PPARGC1A: variants seen among roughly 807,000 people sequenced by gnomAD.
PPARGC1A encodes PPARG coactivator 1 alpha.
In PPARGC1A, 25 loss-of-function variants were observed where a neutral mutation model predicts 88.7. The observed-to-expected ratio is 0.28, with a 90% CI of 0.21 to 0.39. The LOEUF is 0.39. PPARGC1A is among the 10% of genes least tolerant of loss of function. The probability of loss-of-function intolerance (pLI) is 1.00; values close to 1 mark genes in which losing one functional copy is unlikely to be tolerated. For synonymous variants in PPARGC1A, 363 were observed against 355.6 expected (o/e 1.02, Z -0.24); for missense variants, 880 against 968.7 (o/e 0.91, Z 1.22).
the PPARGC1A span, among the ~76,000 whole-genome samples, chr4:24,101,902 C>T: frequency 1.3e-4 from 19 of 149,898 alleles, no homozygotes; most frequent in Admixed American, 2.6e-4. Flanking sequence ...AACACATCCA[C>T]GCCCTCATGG....
the PPARGC1A span, among the ~76,000 whole-genome samples, chr4:24,197,273 A>G: frequency 0.058 from 8,853 of 152,268 alleles, 326 homozygotes; most frequent in South Asian, 0.11. Flanking sequence ...TACCTTTTGC[A>G]GGTCATTTTT....
chr4:24,301,201 T>C, the PPARGC1A span, among the ~76,000 whole-genome samples: 1 of 152,154 alleles, frequency 6.6e-6, no homozygotes, highest in Non-Finnish European at 1.5e-5. Flanking sequence ...TTAACACTAG[T>C]AGATATTTTT....
chr4:23,826,494 GTT>G lies in PPARGC1A; in HGVS notation c.757+1904_757+1905del, dbSNP rs1723957837. Reference sequence around the variant, plus strand: ...AAGGAAAAGAACCTGACTCCAAAACGTTTTATGGAGATCATACGTGATGTTCA... The same window carrying G: ...AAGGAAAAGAACCTGACTCCAAAACGTTATGGAGATCATACGTGATGTTCA... On this transcript the variant is annotated intron_variant, in intron 5 of 12. Coordinates refer to ENST00000264867, the MANE Select transcript of PPARGC1A (RefSeq NM_013261.5). Among the ~76,000 whole-genome samples, 4 of 152,030 alleles carry G rather than the reference GTT, an allele frequency of 2.6e-5. No individual in the cohort carries two copies. In the South Asian group the frequency reaches 8.3e-4, roughly 32 times the overall value.
At chr4:24,095,517 A>G in the PPARGC1A span, among the ~76,000 whole-genome samples, 2 of 152,086 alleles carry the variant, frequency 1.3e-5, no homozygotes, top group Non-Finnish European at 2.9e-5. Flanking sequence ...AAAAAGGGGA[A>G]AATTGGGTCA....
the PPARGC1A span, among the ~76,000 whole-genome samples, chr4:24,131,170 G>T: frequency 6.6e-6 from 1 of 151,958 alleles, no homozygotes; most frequent in Admixed American, 6.6e-5. Context: ...GGCACACAGT[G>T]CTTCTTTGAT....
the PPARGC1A span, among the ~76,000 whole-genome samples, chr4:24,186,246 C>T: frequency 1.6e-4 from 25 of 152,188 alleles, no homozygotes; most frequent in Admixed American, 4.6e-4. Context: ...ACAGAGAGAC[C>T]TAGTGCCAAA....
chr4:24,432,423 G>A, the PPARGC1A span, among the ~76,000 whole-genome samples: 1 of 152,202 alleles, frequency 6.6e-6, no homozygotes, highest in African/African-American at 2.4e-5. Context: ...GTAGCTAACC[G>A]AGGAGAGCAG....
chr4:23,986,319 C>T, the PPARGC1A span, among the ~76,000 whole-genome samples: 2 of 152,126 alleles, frequency 1.3e-5, no homozygotes, highest in South Asian at 2.1e-4. Context: ...TACTTTGGTT[C>T]GTGGCATTCT....
the PPARGC1A span, among the ~76,000 whole-genome samples, chr4:24,162,394 G>A: frequency 1.3e-5 from 2 of 151,870 alleles, no homozygotes; most frequent in African/African-American, 2.4e-5. Context: ...AAAATAAAAG[G>A]GCTTTTGAGC....
chr4:23,799,962 C>A (rs1718358205), intron 12 of PPARGC1A, among the ~76,000 whole-genome samples: 1 of 152,202 alleles, frequency 6.6e-6, no homozygotes, highest in Non-Finnish European at 1.5e-5. Flanking sequence ...TGACTTGCCA[C>A]ATTCTATATT....
chr4:24,089,494 TCTTTTCTTTTCTTTTCTTTC>T, the PPARGC1A span, among the ~76,000 whole-genome samples: 2 of 89,848 alleles, frequency 2.2e-5, no homozygotes, highest in Non-Finnish European at 4.7e-5. Context: ...TCTTTTCTTT[TCTTTTCTTTTCTTTTCTTTC>T]TTTTTTTTTT....
chr4:24,326,976 A>C, the PPARGC1A span, among the ~76,000 whole-genome samples: 16 of 152,312 alleles, frequency 1.1e-4, no homozygotes, highest in African/African-American at 3.6e-4. Context: ...ACCTCTATAC[A>C]GTCTGATAAC....
the PPARGC1A span, among the ~76,000 whole-genome samples, chr4:24,312,432 A>G: frequency 6.6e-6 from 1 of 151,970 alleles, no homozygotes; most frequent in African/African-American, 2.4e-5. Flanking sequence ...TGAAAGAAGA[A>G]GAGAAAGGAT....
chr4:24,255,653 GA>G, the PPARGC1A span, among the ~76,000 whole-genome samples: 4 of 152,260 alleles, frequency 2.6e-5, no homozygotes, highest in African/African-American at 9.6e-5. Flanking sequence ...AGGCTTTTAG[GA>G]ATGATGTTTC....
the PPARGC1A span, among the ~76,000 whole-genome samples, chr4:24,041,184 T>C: frequency 5.3e-5 from 8 of 152,222 alleles, no homozygotes; most frequent in Non-Finnish European, 1.0e-4. Context: ...ATTGTGTCAA[T>C]GGGCTTTCTT....
At chr4:24,466,223 T>C in the PPARGC1A span, among the ~76,000 whole-genome samples, 6 of 152,168 alleles carry the variant, frequency 3.9e-5, no homozygotes, top group Non-Finnish European at 7.3e-5. Context: ...ACCTCGTTCA[T>C]CAAAAAGAAT....
At chr4:23,845,785 C>T (rs1728209033) in intron 2 of PPARGC1A, among the ~76,000 whole-genome samples, 1 of 152,134 alleles carries the variant, frequency 6.6e-6, no homozygotes, top group Non-Finnish European at 1.5e-5. Context: ...TTCTCAATGA[C>T]TTTATATCTA....
At chr4:24,053,242 T>C in the PPARGC1A span, among the ~76,000 whole-genome samples, 1 of 152,106 alleles carries the variant, frequency 6.6e-6, no homozygotes, top group Middle Eastern at 3.4e-3. Context: ...GTCCAACCAA[T>C]ACCTCTATCC....
chr4:24,445,290 C>T, the PPARGC1A span, among the ~76,000 whole-genome samples: 1 of 152,202 alleles, frequency 6.6e-6, no homozygotes, highest in Admixed American at 6.5e-5. Context: ...GATTGTTTTT[C>T]TATACTGAAG....
Sources: allele counts gnomAD v4.1 joint callset (sites outside exome capture counted in the v4.1 genomes callset), GRCh38; gene constraint gnomAD v4.1.1; transcripts MANE v1.5; gene names NCBI Gene and HGNC (gene_info 2026-07-23, HGNC 2026-07-21).